WWTR1: variants seen among roughly 807,000 people sequenced by gnomAD.
WWTR1 encodes the protein WW domain containing transcription regulator 1, also known as WW domain-containing transcription regulator protein 1.
A neutral mutation model predicts 40.1 loss-of-function variants in WWTR1; 13 were observed. The ratio of observed to expected loss-of-function variants is 0.32; its 90% CI spans 0.21 to 0.52. WWTR1 has a LOEUF of 0.52. Among genes scored for constraint, WWTR1 ranks in the 20% least tolerant of loss-of-function variants. The pLI is 0.97. For synonymous variants in WWTR1, 230 were observed against 210.1 expected (o/e 1.09, Z -0.82); for missense variants, 436 against 523.1 (o/e 0.83, Z 1.63).
chr3:149,612,409 CT>C (rs919609261), intron 2 of WWTR1, among the ~76,000 whole-genome samples: 1 of 151,450 alleles, frequency 6.6e-6, no homozygotes, highest in African/African-American at 2.4e-5. Flanking sequence ...CCAGTATATA[CT>C]TTGGCAGTTG....
intron 2 of WWTR1, among the ~76,000 whole-genome samples, chr3:149,615,163 C>T (rs1047483425): frequency 1.3e-5 from 2 of 152,218 alleles, no homozygotes; most frequent in Non-Finnish European, 2.9e-5. Context: ...CAATACTGAA[C>T]TTTCAAAATG....
At chr3:149,699,942 G>GT (rs1298157475) in intron 1 of WWTR1, among the ~76,000 whole-genome samples, 2 of 152,136 alleles carry the variant, frequency 1.3e-5, no homozygotes, top group African/African-American at 4.8e-5. Context: ...CCAATTTTCT[G>GT]TATCAGTCCA....
At chr3:149,594,791 T>C (rs1304345904) in intron 2 of WWTR1, among the ~76,000 whole-genome samples, 1 of 151,788 alleles carries the variant, frequency 6.6e-6, no homozygotes, top group Non-Finnish European at 1.5e-5. Flanking sequence ...TGGGGGAATT[T>C]GAATAAGGGC....
chr3:149,607,983 A>G (rs1739562890), intron 2 of WWTR1, among the ~76,000 whole-genome samples: 1 of 152,258 alleles, frequency 6.6e-6, no homozygotes, highest in Non-Finnish European at 1.5e-5. Flanking sequence ...CGTGAGGGCA[A>G]ATAGTTTAGT....
intron 5 of WWTR1, among the ~76,000 whole-genome samples, chr3:149,714,023 C>G (rs959079028): frequency 1.3e-5 from 2 of 152,238 alleles, no homozygotes; most frequent in Non-Finnish European, 2.9e-5. Flanking sequence ...CCAGATCCCA[C>G]CGCTCTGGCA....
At chr3:149,525,762 G>A (rs1028053274) in intron 6 of WWTR1, 1 of 276,120 alleles carries the variant, frequency 3.6e-6, no homozygotes, top group African/African-American at 2.2e-5. Flanking sequence ...CGGGACTACT[G>A]GGAGTGGGGA....
intron 2 of WWTR1, among the ~76,000 whole-genome samples, chr3:149,626,812 A>C (rs1014470666): frequency 2.2e-4 from 33 of 152,140 alleles, no homozygotes; most frequent in Admixed American, 2.0e-4. Flanking sequence ...GTGTTGCCCA[A>C]CCTTGGCACA....
At chr3:149,720,358 C>A (rs921573523) in intron 4 of WWTR1, among the ~76,000 whole-genome samples, 4 of 152,074 alleles carry the variant, frequency 2.6e-5, no homozygotes, top group African/African-American at 9.7e-5. Flanking sequence ...TTTCTCAGCA[C>A]CATTTGTTGA....
At chr3:149,658,976 C>T (rs1713432313), upstream of WWTR1, among the ~76,000 whole-genome samples, 1 of 152,170 alleles carries the variant, frequency 6.6e-6, no homozygotes, top group South Asian at 2.1e-4. Context: ...AGCCACCCAC[C>T]TTCCCACCAA....
chr3:149,711,161 T>TAAAAA (rs1237527926), intron 5 of WWTR1, among the ~76,000 whole-genome samples: 1 of 114,948 alleles, frequency 8.7e-6, no homozygotes, highest in African/African-American at 3.1e-5. Context: ...ACACACTTGC[T>TAAAAA]AAAAAAAAAA....
intron 1 of WWTR1, chr3:149,657,547 A>T: frequency 1.8e-6 from 1 of 547,652 alleles, no homozygotes; most frequent in African/African-American, 1.9e-5. Context: ...AGTTGCCTGG[A>T]GGAGGAGAAG....
chr3:149,580,669 A>C (rs1738106767), intron 2 of WWTR1, among the ~76,000 whole-genome samples: 2 of 152,216 alleles, frequency 1.3e-5, no homozygotes, highest in Admixed American at 6.5e-5. Flanking sequence ...GCTGGAGTGC[A>C]ATGGTGCGAT....
At chr3:149,657,385 C>T in intron 1 of WWTR1, 76 bp from the exon 2 acceptor site, 1 of 1,446,458 alleles carries the variant, frequency 6.9e-7, no homozygotes, top group Non-Finnish European at 9.2e-7. Flanking sequence ...GGTGAGAGGG[C>T]GAGATGGTGG....
chr3:149,626,649 T>C (rs2108097965), intron 2 of WWTR1, among the ~76,000 whole-genome samples: 1 of 152,176 alleles, frequency 6.6e-6, no homozygotes, highest in South Asian at 2.1e-4. Flanking sequence ...CTCCTTTTTT[T>C]CCATACTCCA....
intron 3 of WWTR1, among the ~76,000 whole-genome samples, chr3:149,559,293 C>CAAAAA (rs57470539): frequency 0.014 from 696 of 51,530 alleles, no homozygotes; most frequent in Middle Eastern, 0.024. Context: ...GACTCCATCT[C>CAAAAA]AAAAAAAAAA....
chr3:149,662,742 G>T (rs147467107), upstream of WWTR1, among the ~76,000 whole-genome samples: 268 of 152,128 alleles, frequency 1.8e-3, 1 homozygote, highest in African/African-American at 6.0e-3. Flanking sequence ...CTATCAATCT[G>T]GCACTAAAGG....
chr3:149,582,391 A>AT (rs891073141), intron 2 of WWTR1, among the ~76,000 whole-genome samples: 27 of 151,324 alleles, frequency 1.8e-4, no homozygotes, highest in African/African-American at 5.8e-4. Flanking sequence ...TAGTACCAGC[A>AT]TTTTTTTTTC....
chr3:149,596,046 A>AT (rs1475069337), intron 2 of WWTR1, among the ~76,000 whole-genome samples: 1 of 152,150 alleles, frequency 6.6e-6, no homozygotes, highest in Non-Finnish European at 1.5e-5. Flanking sequence ...TCAAAAAAAA[A>AT]CAAAAACAAA....
At chr3:149,646,055 AT>A (rs1381785830) in intron 2 of WWTR1, among the ~76,000 whole-genome samples, 4 of 152,250 alleles carry the variant, frequency 2.6e-5, no homozygotes, top group African/African-American at 9.6e-5. Context: ...ATAGATTTCC[AT>A]TTTAAGACTG....
Sources: gnomAD v4.1 joint callset for allele counts (sites outside exome capture counted in the v4.1 genomes callset) on GRCh38, gnomAD v4.1.1 for gene constraint, MANE v1.5 for transcripts, NCBI Gene and HGNC (gene_info 2026-07-23, HGNC 2026-07-21) for gene names.